The following MYO3A variants were observed in gnomAD, a reference collection of about 807,000 sequenced individuals.
The protein encoded by MYO3A is myosin IIIA, also known as myosin-IIIa.
A neutral mutation model predicts 192.7 loss-of-function variants in MYO3A; 180 were observed. That is an observed-to-expected ratio of 0.93 (90% confidence interval 0.83 to 1.06). The LOEUF (loss-of-function observed/expected upper bound fraction) is 1.06. MYO3A is among the 50% of genes least tolerant of loss of function. The pLI is 0.00. For synonymous variants in MYO3A, 628 were observed against 645.3 expected, an observed-to-expected ratio of 0.97 and a Z score of 0.41; for missense variants, 1,896 against 1,905.0, an observed-to-expected ratio of 1.00 and a Z score of 0.09.
intron 6 of MYO3A, among the ~76,000 whole-genome samples, chr10:26,001,572 G>A (rs559949475): frequency 3.3e-5 from 5 of 152,316 alleles, no homozygotes; most frequent in East Asian, 1.9e-4. Flanking sequence ...GGCAGACTAC[G>A]GCCTGGGAGC....
At chr10:25,996,661 T>C (rs1840460353) in intron 5 of MYO3A, 67 bp downstream of exon 5, 2 of 1,319,654 alleles carry the variant, frequency 1.5e-6, no homozygotes, top group South Asian at 2.4e-5. Context: ...GTAGATCCTA[T>C]TTTTAGAAAA....
At chr10:26,084,896 A>T (rs1304854551) in intron 14 of MYO3A, among the ~76,000 whole-genome samples, 3 of 152,152 alleles carry the variant, frequency 2.0e-5, no homozygotes, top group Non-Finnish European at 4.4e-5. Flanking sequence ...ACCTTATCCT[A>T]GGCTTTTCTT....
Position 26,104,307 on chromosome 10 carries a change from T to C in MYO3A, c.1776+7625T>C, listed in dbSNP as rs116198993. Reference sequence around the variant, plus strand: ...GATTTATGCCTAAGCTTTCTTCTTATAGTTGTATAGTTTTAGCTCTTACAT... The same window carrying C: ...GATTTATGCCTAAGCTTTCTTCTTACAGTTGTATAGTTTTAGCTCTTACAT... On this transcript the variant is annotated intron_variant, in intron 17 of 34. Coordinates refer to ENST00000642920, the MANE Select transcript of MYO3A (RefSeq NM_017433.5). 6.9e-3 allele frequency among the ~76,000 whole-genome samples: 1,058 copies of C among 152,292 alleles called. 19 individuals are homozygous for C. Among genetic ancestry groups the C allele is most frequent in the African/African-American group, 0.024 (996 of 41,568 alleles).
At chr10:26,041,245 C>T (rs182300913) in intron 10 of MYO3A, among the ~76,000 whole-genome samples, 1 of 152,026 alleles carries the variant, frequency 6.6e-6, no homozygotes, top group East Asian at 1.9e-4. Context: ...CATAGAATAC[C>T]TCTTTCCATT....
At chr10:26,138,977 T>A (rs1840001592) in intron 20 of MYO3A, among the ~76,000 whole-genome samples, 1 of 152,202 alleles carries the variant, frequency 6.6e-6, no homozygotes, top group Non-Finnish European at 1.5e-5. Context: ...TCTGTCTGAT[T>A]GCTAGCTTCA....
rs1161989924 is a variant in MYO3A at position 25,935,740 on chromosome 10, A to C, written c.-104-4A>C. Reference sequence around the variant, plus strand: ...AGCCATGATCTTTTTGTTTTGGGTTACAGGCCCAGGGCCCCAGTGCAGCCT... The same window carrying C: ...AGCCATGATCTTTTTGTTTTGGGTTCCAGGCCCAGGGCCCCAGTGCAGCCT... On this transcript the variant is annotated splice_region_variant and splice_polypyrimidine_tract_variant and intron_variant, in intron 1 of 34. Coordinates refer to ENST00000642920, the MANE Select transcript of MYO3A (RefSeq NM_017433.5). 1.3e-5 allele frequency: 2 copies of C among 152,210 alleles called. No individual in the cohort carries two copies. Among genetic ancestry groups the C allele is most frequent in the South Asian group, 2.1e-4 (1 of 4,834 alleles). The allele number at this position is 152,210 out of a possible 1,614,324, so 9.4% of individuals were successfully genotyped here.
chr10:26,083,086 T>C (rs531994048), intron 14 of MYO3A, among the ~76,000 whole-genome samples: 2 of 152,208 alleles, frequency 1.3e-5, no homozygotes, highest in African/African-American at 4.8e-5. Context: ...TTTCATCTTT[T>C]CACTTCAAGC....
At chr10:26,041,147 T>A (rs1225014549) in intron 10 of MYO3A, among the ~76,000 whole-genome samples, 2 of 152,096 alleles carry the variant, frequency 1.3e-5, no homozygotes, top group African/African-American at 4.8e-5. Flanking sequence ...CATAGTGACC[T>A]TTTTTGTCTC....
At chr10:26,075,573 CAT>C (rs35076350) in intron 14 of MYO3A, among the ~76,000 whole-genome samples, 56,483 of 140,596 alleles carry the variant, frequency 0.4, 11,827 homozygotes, top group Middle Eastern at 0.52. Context: ...AATAGTCTCT[CAT>C]ATATATATAT....
chr10:26,154,955 A>G, intron 25 of MYO3A, 132 bp downstream of exon 25: 1 of 787,240 alleles, frequency 1.3e-6, no homozygotes, highest in South Asian at 1.5e-5. Flanking sequence ...GATACAGGAT[A>G]TGTTAGCATC....
chr10:26,087,883 G>A (rs1836436970), intron 14 of MYO3A, among the ~76,000 whole-genome samples: 2 of 152,220 alleles, frequency 1.3e-5, no homozygotes, highest in Non-Finnish European at 2.9e-5. Context: ...CACGCAGGTG[G>A]AGGAGGAATA....
intron 34 of MYO3A, among the ~76,000 whole-genome samples, chr10:26,206,205 T>G (rs1217438086): frequency 6.6e-6 from 1 of 151,290 alleles, no homozygotes; most frequent in Non-Finnish European, 1.5e-5. Flanking sequence ...GGATTACAGG[T>G]GCATGCCACT....
In MYO3A at chr10:26,135,891, A is replaced by C. The variant is rs1462395259; in HGVS notation, c.2262+7353A>C. Among the ~76,000 whole-genome samples the C allele has an allele frequency of 5.5e-5, 8 of 144,646 alleles. No individual in the cohort carries two copies. The East Asian group carries it at 1.6e-3, about 30-fold the overall frequency. 94.9% of individuals were successfully genotyped at this position (144,646 alleles called of 152,430 possible). A position where few individuals can be genotyped will look rare whatever the true frequency, so the allele number is the denominator to read the frequency against. The stretch of plus-strand genomic sequence containing the variant: ...TGAGGCAGAAGAATCGCTTGAACCC[A>C]GGGGCCAGAGGTTGCAGTGAGCTGA... On this transcript the variant is annotated intron_variant, in intron 20 of 34. Transcript: ENST00000642920.
rs772052001 is a variant in MYO3A at position 26,201,324 on chromosome 10, T to C, written c.4586+19T>C. 1.3e-6 allele frequency: 2 copies of C among 1,534,452 alleles called. No homozygotes were observed. The highest frequency in any genetic ancestry group is 3.5e-5 in the Admixed American group (2 of 57,464). The stretch of plus-strand genomic sequence containing the variant: ...AAGACAGGTAATTATTACTTCTGGA[T>C]TTCAATCAGTCATCTTATTCAAACA... On this transcript the variant is annotated intron_variant, in intron 33 of 34. Coordinates refer to ENST00000642920, the MANE Select transcript of MYO3A (RefSeq NM_017433.5).
intron 18 of MYO3A, 113 bp from the exon 19 acceptor site, chr10:26,125,285 C>A (rs1317531586): frequency 2.2e-6 from 2 of 921,730 alleles, no homozygotes; most frequent in East Asian, 2.6e-5. Flanking sequence ...ATTACATAAT[C>A]TCCACACATT....
At chr10:26,160,914 A>C (rs960660673) in intron 26 of MYO3A, among the ~76,000 whole-genome samples, 1 of 152,246 alleles carries the variant, frequency 6.6e-6, no homozygotes, top group African/African-American at 2.4e-5. Flanking sequence ...ATAGTTTTAC[A>C]ATGTAGAGCA....
intron 15 of MYO3A, 43 bp from the exon 16 acceptor site, chr10:26,096,338 A>G (rs762432914): frequency 2.9e-6 from 4 of 1,364,236 alleles, no homozygotes; most frequent in East Asian, 4.6e-5. Flanking sequence ...TAAGCAAGAA[A>G]TGTTCTTACT....
chr10:26,189,250 A>G (rs936616613), intron 31 of MYO3A, among the ~76,000 whole-genome samples: 7 of 152,226 alleles, frequency 4.6e-5, no homozygotes, highest in Non-Finnish European at 1.0e-4. Context: ...ATTAGGACCC[A>G]CTTTAATGAC....
chr10:26,068,892 G>A lies in MYO3A; in HGVS notation c.1170+8G>A, dbSNP rs200156107. On this transcript the variant is annotated splice_region_variant and intron_variant, in intron 12 of 34. Transcript: ENST00000642920. ...GGTCTTTACTCCACAAAGGTATGTCGTATGGGGTGCATTCTGTTACTTCAT... is the reference window on the plus strand; with the variant it reads ...GGTCTTTACTCCACAAAGGTATGTCATATGGGGTGCATTCTGTTACTTCAT... 4.6e-5 allele frequency: 68 copies of A among 1,489,500 alleles called. No homozygotes were observed. Among genetic ancestry groups the A allele is most frequent in the Non-Finnish European group, 5.7e-5 (61 of 1,067,400 alleles). 92.3% of individuals were successfully genotyped at this position (1,489,500 alleles called of 1,614,324 possible).
Sources: gnomAD v4.1 joint callset for allele counts (sites outside exome capture counted in the v4.1 genomes callset) on GRCh38, gnomAD v4.1.1 for gene constraint, MANE v1.5 for transcripts, NCBI Gene and HGNC (gene_info 2026-07-23, HGNC 2026-07-21) for gene names.